Variants in RBM17 observed in about 807,000 individuals in gnomAD.
RBM17 encodes the protein RNA binding motif protein 17, also known as splicing factor 45.
In RBM17, 7 loss-of-function variants were observed where a neutral mutation model predicts 53.2. The ratio of observed to expected loss-of-function variants is 0.13; its 90% CI spans 0.07 to 0.25. RBM17 has a LOEUF of 0.25. RBM17 is among the 10% of genes least tolerant of loss of function. The pLI, the probability that RBM17 is intolerant of heterozygous loss-of-function variation, is 1.00. For synonymous variants in RBM17, 167 were observed against 178.1 expected, an observed-to-expected ratio of 0.94 and a Z score of 0.50; for missense variants, 257 against 496.7, an observed-to-expected ratio of 0.52 and a Z score of 4.59.
At chr10:6,097,457 G>C (rs960654248) in intron 2 of RBM17, among the ~76,000 whole-genome samples, 1 of 152,220 alleles carries the variant, frequency 6.6e-6, no homozygotes, top group African/African-American at 2.4e-5. Flanking sequence ...CCAGCATTTT[G>C]GGAGGCCAAG....
At chr10:6,101,185 G>T in intron 2 of RBM17, 86 bp from the exon 3 acceptor site, 1 of 723,944 alleles carries the variant, frequency 1.4e-6, no homozygotes, top group South Asian at 2.2e-5. Context: ...GTTTGTTGCA[G>T]GGACCAGAAA....
At chr10:6,113,260 C>A (rs182431343) in intron 8 of RBM17, 50 of 343,212 alleles carry the variant, frequency 1.5e-4, no homozygotes, top group African/African-American at 9.8e-4. Flanking sequence ...GCAAAAATTG[C>A]AAGTAATGGT....
Position 6,097,041 on chromosome 10 carries a change from C to G in RBM17, c.-18-7C>G. 1 of 1,607,066 alleles carries G rather than the reference C, an allele frequency of 6.2e-7. No homozygotes were observed. Among genetic ancestry groups the G allele is most frequent in the Non-Finnish European group, 8.5e-7 (1 of 1,177,292 alleles). ...ATTCTTTAATCCCCACCCCTTTTGC[C>G]TTTCAGCATTAAACTGAAGAAAAGA... On this transcript the variant is annotated splice_region_variant and splice_polypyrimidine_tract_variant and intron_variant, in intron 1 of 11. Coordinates refer to ENST00000379888, the MANE Select transcript of RBM17 (RefSeq NM_032905.5).
intron 2 of RBM17, among the ~76,000 whole-genome samples, chr10:6,097,620 G>C (rs1040162499): frequency 6.6e-6 from 1 of 152,222 alleles, no homozygotes; most frequent in Non-Finnish European, 1.5e-5. Context: ...GCAGTGAGCC[G>C]AGATCGCGCC....
intron 6 of RBM17, 91 bp downstream of exon 6, chr10:6,108,833 G>T: frequency 1.0e-6 from 1 of 985,846 alleles, no homozygotes; most frequent in Non-Finnish European, 1.6e-6. Context: ...GGTTTCCTGA[G>T]CGTAGAGGGA....
rs112425092 is a variant in RBM17, at chr10:6,100,645, A to G, written c.124-626A>G. Among the ~76,000 whole-genome samples, 862 of 141,346 alleles carry G rather than the reference A, an allele frequency of 6.1e-3. 2 individuals are homozygous for G. The highest frequency in any genetic ancestry group is 0.011 in the Middle Eastern group (3 of 282). The allele number at this position is 141,346 out of a possible 152,430, so 92.7% of individuals were successfully genotyped here. On this transcript the variant is annotated intron_variant, in intron 2 of 11. Transcript: ENST00000379888. ...GACACTTAAAAACCAAAAGCATTTCAGGAACTTTGGTAGGATCCTGGTTCA... is the reference window on the plus strand; with the variant it reads ...GACACTTAAAAACCAAAAGCATTTCGGGAACTTTGGTAGGATCCTGGTTCA...
chr10:6,092,087 A>C (rs754278768), intron 1 of RBM17, among the ~76,000 whole-genome samples: 1 of 152,244 alleles, frequency 6.6e-6, no homozygotes, highest in African/African-American at 2.4e-5. Flanking sequence ...CATATATGAA[A>C]CGTGGGTTGC....
intron 1 of RBM17, among the ~76,000 whole-genome samples, chr10:6,095,940 T>C (rs1171495741): frequency 6.6e-6 from 1 of 152,098 alleles, no homozygotes; most frequent in African/African-American, 2.4e-5. Context: ...AATATTTTCC[T>C]CCTCTCCTGA....
chr10:6,091,143 C>T (rs1421905079), intron 1 of RBM17, among the ~76,000 whole-genome samples: 2 of 151,688 alleles, frequency 1.3e-5, no homozygotes, highest in Non-Finnish European at 1.5e-5. Flanking sequence ...ACTGCAACCT[C>T]CACTTCCCAG....
chr10:6,098,556 G>GGTTTTTGTTTTTTTTTTT (rs1840613398), intron 2 of RBM17, among the ~76,000 whole-genome samples: 4 of 87,982 alleles, frequency 4.5e-5, no homozygotes, highest in East Asian at 3.4e-4. Flanking sequence ...TAATACACAG[G>GGTTTTTGTTTTTTTTTTT]TTTTTTGTTT....
In RBM17 at chr10:6,101,264, A is replaced by G. The variant is rs1840665828; in HGVS notation, c.124-7A>G. 6.4e-7 allele frequency: 1 copy of G among 1,563,034 alleles called. No homozygotes were observed. The highest frequency in any genetic ancestry group is 8.7e-7 in the Non-Finnish European group (1 of 1,153,638). On this transcript the variant is annotated splice_region_variant and splice_polypyrimidine_tract_variant and intron_variant, in intron 2 of 11. Coordinates refer to ENST00000379888, the MANE Select transcript of RBM17 (RefSeq NM_032905.5). ...CAGTATGTTTTCCTTGTTTTTGATG[A>G]TTTTAGAGCCAAAGGACGAAACAAA...
intron 5 of RBM17, among the ~76,000 whole-genome samples, chr10:6,107,305 G>A (rs1466757969): frequency 6.6e-6 from 1 of 151,706 alleles, no homozygotes; most frequent in African/African-American, 2.4e-5. Context: ...GGCCTCCAGA[G>A]TAGCTGGGAT....
intron 1 of RBM17, among the ~76,000 whole-genome samples, chr10:6,092,044 C>T (rs79399767): frequency 6.6e-6 from 1 of 152,112 alleles, no homozygotes; most frequent in South Asian, 2.1e-4. Context: ...CTGGCAGAAC[C>T]ATGTTTGTTA....
chr10:6,108,796 C>A lies in RBM17; in HGVS notation c.562+54C>A, dbSNP rs893356252. On this transcript the variant is annotated intron_variant, in intron 6 of 11. Coordinates refer to ENST00000379888, the MANE Select transcript of RBM17 (RefSeq NM_032905.5). Reference sequence around the variant, plus strand: ...TTCTGATACAGGTCTTTAACCCAACCATGGGGGATCTCAGCTTGGGCCCCC... The same window carrying A: ...TTCTGATACAGGTCTTTAACCCAACAATGGGGGATCTCAGCTTGGGCCCCC... The A allele has an allele frequency of 3.6e-6, 5 of 1,399,516 alleles. No individual in the cohort carries two copies. The African/African-American group carries it at 4.3e-5, about 12-fold the overall frequency. 86.7% of individuals were successfully genotyped at this position (1,399,516 alleles called of 1,614,324 possible).
chr10:6,115,236 C>G lies in RBM17; in HGVS notation c.1030-3C>G. The G allele has an allele frequency of 6.2e-7, 1 of 1,609,890 alleles. No individual in the cohort carries two copies. Among genetic ancestry groups the G allele is most frequent in the Non-Finnish European group, 8.5e-7 (1 of 1,178,644 alleles). Reference sequence around the variant, plus strand: ...TACTCATCACGCTCTCATTTTCTTCCAGATTCCTGGTGCCCCTGATGATGA... The same window carrying G: ...TACTCATCACGCTCTCATTTTCTTCGAGATTCCTGGTGCCCCTGATGATGA... On this transcript the variant is annotated splice_region_variant and splice_polypyrimidine_tract_variant and intron_variant, in intron 10 of 11. Transcript: ENST00000379888.
At chr10:6,111,409 G>C (rs1345424360) in intron 7 of RBM17, among the ~76,000 whole-genome samples, 1 of 152,184 alleles carries the variant, frequency 6.6e-6, no homozygotes, top group Non-Finnish European at 1.5e-5. Flanking sequence ...GTGCGATCTC[G>C]CCTCACTGCA....
rs780966136 is a variant in RBM17, at chr10:6,101,325, G to T, written c.178G>T (p.Gly60Cys). ...VLAPVIDLKRGGSSDDRQIVD... is the reference protein window; with the variant it reads ...VLAPVIDLKRCGSSDDRQIVD... ...CGCCCCAGTCATTGACCTGAAGCGAGGTGGCTCCTCAGATGACCGGCAAAT... is the reference window on the plus strand; with the variant it reads ...CGCCCCAGTCATTGACCTGAAGCGATGTGGCTCCTCAGATGACCGGCAAAT... Residue 60 changes from glycine (G) to cysteine (C), a missense_variant, in exon 3 of 12, where the codon GGT becomes TGT. Physicochemically the swap from Gly to Cys is radical, Grantham distance 159. Transcript: ENST00000379888. The T allele has an allele frequency of 6.2e-7, 1 of 1,613,794 alleles. No homozygotes were observed. Among genetic ancestry groups the T allele is most frequent in the Non-Finnish European group, 8.5e-7 (1 of 1,179,984 alleles).
In RBM17 at chr10:6,112,401, T is replaced by C. The variant is rs1448002266; in HGVS notation, c.856+40T>C. ...AAGCGTGTGACTAGAGGGAAAGGAC[T>C]GGCCCCATCCATATCAGACATGGCC... On this transcript the variant is annotated intron_variant, in intron 8 of 11. Transcript: ENST00000379888. The surrounding 1 kb of genome is among the most constrained non-coding windows in gnomAD (Gnocchi z 4.4). 2 of 1,611,040 alleles carry C rather than the reference T, an allele frequency of 1.2e-6. No homozygotes were observed. Among genetic ancestry groups the C allele is most frequent in the Non-Finnish European group, 8.5e-7 (1 of 1,178,302 alleles).
In RBM17 at chr10:6,116,933, A is replaced by G. The variant is rs1304923394; in HGVS notation, c.*1377A>G. The G allele has an allele frequency of 3.3e-5, 5 of 152,378 alleles. No homozygotes were observed. The highest frequency in any genetic ancestry group is 7.2e-5 in the African/African-American group (3 of 41,460). The allele number at this position is 152,378 out of a possible 1,614,324, so 9.4% of individuals were successfully genotyped here. A position where few individuals can be genotyped will look rare whatever the true frequency, so the allele number is the denominator to read the frequency against. On this transcript the variant is annotated 3_prime_UTR_variant, in exon 12 of 12. Coordinates refer to ENST00000379888, the MANE Select transcript of RBM17 (RefSeq NM_032905.5). ...GGTTAAGGAATGTGAGGTAAATTAC[A>G]TAATTGAACATTGTGGAAGACAGAA...
Sources: allele counts gnomAD v4.1 joint callset (sites outside exome capture counted in the v4.1 genomes callset), GRCh38; gene constraint gnomAD v4.1.1; non-coding constraint Gnocchi (gnomAD v3.1); transcripts MANE v1.5; gene names NCBI Gene and HGNC (gene_info 2026-07-23, HGNC 2026-07-21).